MYO18B: variants seen among roughly 807,000 people sequenced by gnomAD.
The protein encoded by MYO18B is myosin XVIIIB.
MYO18B carries 204 observed loss-of-function variants against 273.0 expected under a neutral mutation model. That is an observed-to-expected ratio of 0.75 (90% CI 0.67 to 0.84). MYO18B has a LOEUF of 0.84. MYO18B is among the 40% of genes least tolerant of loss of function. MYO18B has a pLI of 0.00. For synonymous variants in MYO18B, 1,330 were observed against 1,305.7 expected, an observed-to-expected ratio of 1.02 and a Z score of -0.40; for missense variants, 3,212 against 3,287.6, an observed-to-expected ratio of 0.98 and a Z score of 0.56.
downstream of MYO18B, among the ~76,000 whole-genome samples, chr22:26,034,426 T>C (rs544253967): frequency 2.0e-5 from 3 of 152,176 alleles, no homozygotes; most frequent in South Asian, 2.1e-4. Context: ...ATTTGGAAAA[T>C]AGGTCTAAAC....
rs13057714 is a variant in MYO18B, at chr22:25,966,568, C to T, written c.6156+11204C>T. ...GAGATAGCCCTCCTAATTACTGCCC[C>T]GTTATCTCAGTGGGATCCAAAATGA... is the stretch of plus-strand genomic sequence containing the variant. On this transcript the variant is annotated intron_variant, in intron 39 of 43. Coordinates refer to ENST00000335473, the MANE Select transcript of MYO18B (RefSeq NM_032608.7). 7.6e-3 allele frequency among the ~76,000 whole-genome samples: 1,163 copies of T among 152,252 alleles called. 7 individuals carry two copies. Among genetic ancestry groups the T allele is most frequent in the Non-Finnish European group, 0.012 (839 of 68,020 alleles).
At chr22:25,982,260 A>T (rs926895312) in intron 39 of MYO18B, among the ~76,000 whole-genome samples, 1 of 152,124 alleles carries the variant, frequency 6.6e-6, no homozygotes, top group East Asian at 1.9e-4. Flanking sequence ...CGAGGCAGAG[A>T]ACTGAGCCTT....
At chr22:25,941,338 C>T (rs1037523062) in intron 34 of MYO18B, among the ~76,000 whole-genome samples, 3 of 152,120 alleles carry the variant, frequency 2.0e-5, no homozygotes, top group African/African-American at 7.2e-5. Flanking sequence ...CACCTCAGGT[C>T]CTCATTGTCA....
chr22:25,810,655 C>T (rs2088707730), intron 12 of MYO18B, among the ~76,000 whole-genome samples: 1 of 151,694 alleles, frequency 6.6e-6, no homozygotes, highest in African/African-American at 2.4e-5. Flanking sequence ...AGGTTGGTCT[C>T]AAATTCCTGG....
chr22:25,857,196 TTTCAGCTCACC>T (rs1465432004), intron 21 of MYO18B, among the ~76,000 whole-genome samples: 1 of 152,226 alleles, frequency 6.6e-6, no homozygotes, highest in Non-Finnish European at 1.5e-5. Flanking sequence ...GAAGGCACTC[TTTCAGCTCACC>T]TTGGCTACGT....
chr22:25,861,033 C>T (rs189884505), intron 21 of MYO18B, among the ~76,000 whole-genome samples: 85 of 152,120 alleles, frequency 5.6e-4, no homozygotes, highest in African/African-American at 2.0e-3. Context: ...AGACTACAGG[C>T]ATATGCCACC....
intron 39 of MYO18B, among the ~76,000 whole-genome samples, chr22:25,970,705 A>G (rs1259085524): frequency 6.6e-6 from 1 of 152,200 alleles, no homozygotes. Flanking sequence ...ACATCCACCC[A>G]GCTGGGCGGC....
intron 31 of MYO18B, among the ~76,000 whole-genome samples, chr22:25,908,033 CAAA>C (rs35715764): frequency 4.8e-5 from 5 of 103,920 alleles, no homozygotes; most frequent in Admixed American, 3.1e-4. Context: ...AACTCCATCT[CAAA>C]AAAAAAAAAA....
At chr22:26,053,030 A>G in the MYO18B span, among the ~76,000 whole-genome samples, 1 of 151,902 alleles carries the variant, frequency 6.6e-6, no homozygotes, top group Admixed American at 6.5e-5. Flanking sequence ...GATGGTCTCA[A>G]TCTCCTGACC....
rs374022936 is a variant in MYO18B, at chr22:25,843,856, G to C, written c.3330G>C (p.Ser1110=). Residue 1110 remains serine (S), a synonymous_variant, in exon 18 of 44, where the codon TCG becomes TCC. Transcript: ENST00000335473. ...TCCACAGAGCCAAGCCCAACCTCTC[G>C]GCCCTGGATGCACCCCAGGTCCTGC... is the stretch of plus-strand genomic sequence containing the variant. ...GWLHRAKPNL[S]ALDAPQVLHQ... 8.7e-6 allele frequency: 14 copies of C among 1,612,512 alleles called. No homozygotes were observed. The highest frequency in any genetic ancestry group is 2.7e-5 in the African/African-American group (2 of 74,898).
At chr22:25,784,827 G>A (rs1411261205) in intron 10 of MYO18B, among the ~76,000 whole-genome samples, 1 of 152,212 alleles carries the variant, frequency 6.6e-6, no homozygotes, top group Non-Finnish European at 1.5e-5. Flanking sequence ...GTTGAACACG[G>A]GAAGGAGCCT....
chr22:25,898,180 G>T (rs1348860692), intron 28 of MYO18B, 127 bp from the exon 29 acceptor site: 1 of 1,057,294 alleles, frequency 9.5e-7, no homozygotes, highest in Non-Finnish European at 1.3e-6. Context: ...TCAAGACAGG[G>T]TCTCCCCATT....
intron 39 of MYO18B, among the ~76,000 whole-genome samples, chr22:25,958,438 C>T (rs2146666321): frequency 6.6e-6 from 1 of 152,316 alleles, no homozygotes; most frequent in South Asian, 2.1e-4. Flanking sequence ...ACTGGATGTC[C>T]TAAAACTCAC....
intron 42 of MYO18B, among the ~76,000 whole-genome samples, chr22:26,024,945 G>A (rs116485541): frequency 3.2e-4 from 48 of 152,298 alleles, no homozygotes; most frequent in African/African-American, 1.2e-3. Context: ...TTTGTTGTCT[G>A]ATTCATAGAT....
intron 34 of MYO18B, among the ~76,000 whole-genome samples, chr22:25,924,549 G>C (rs1348359878): frequency 6.6e-6 from 1 of 152,226 alleles, no homozygotes; most frequent in Non-Finnish European, 1.5e-5. Flanking sequence ...AGGGTGCTAA[G>C]ATAGAGAACT....
chr22:25,948,460 T>TC, intron 36 of MYO18B, among the ~76,000 whole-genome samples: 2 of 128,360 alleles, frequency 1.6e-5, no homozygotes, highest in African/African-American at 6.5e-5. Flanking sequence ...CCTTCCTTCC[T>TC]TCTTTCTTTC....
chr22:25,904,428 C>T (rs992905574), intron 31 of MYO18B, among the ~76,000 whole-genome samples: 2 of 152,136 alleles, frequency 1.3e-5, no homozygotes, highest in Admixed American at 6.5e-5. Flanking sequence ...CCCCACTTTA[C>T]GGATGTAGAA....
At chr22:25,777,177 C>T (rs989585844) in intron 7 of MYO18B, among the ~76,000 whole-genome samples, 9 of 152,214 alleles carry the variant, frequency 5.9e-5, no homozygotes, top group African/African-American at 1.9e-4. Flanking sequence ...ACTAACTCCC[C>T]CATGTGCCAT....
chr22:25,742,452 G>C (rs948368491), intron 1 of MYO18B, among the ~76,000 whole-genome samples, 159 bp downstream of exon 1: 1 of 152,114 alleles, frequency 6.6e-6, no homozygotes, highest in Non-Finnish European at 1.5e-5. Context: ...TGATTCCTTT[G>C]CCTGTTGCCC....
Sources: allele counts gnomAD v4.1 joint callset (sites outside exome capture counted in the v4.1 genomes callset), GRCh38; gene constraint gnomAD v4.1.1; transcripts MANE v1.5; gene names NCBI Gene and HGNC (gene_info 2026-07-23, HGNC 2026-07-21).